DAB1: variants seen among roughly 807,000 people sequenced by gnomAD.
The protein encoded by DAB1 is DAB adaptor protein 1.
In DAB1, 15 loss-of-function variants were observed where a neutral mutation model predicts 64.6. The ratio of observed to expected loss-of-function variants is 0.23; its 90% CI spans 0.16 to 0.36. DAB1 has a LOEUF of 0.36. DAB1 is among the 10% of genes least tolerant of loss of function. DAB1 has a pLI of 1.00. For missense variants in DAB1, 596 were observed against 706.7 expected, an observed-to-expected ratio of 0.84 and a Z score of 1.78; for synonymous variants, 235 against 251.9, an observed-to-expected ratio of 0.93 and a Z score of 0.64.
intron 4 of DAB1, among the ~76,000 whole-genome samples, chr1:57,111,152 G>A (rs181219018): frequency 3.3e-5 from 5 of 152,024 alleles, no homozygotes; most frequent in East Asian, 3.9e-4. Flanking sequence ...CTTGGATGGC[G>A]GATATGGGAA....
intron 1 of DAB1, among the ~76,000 whole-genome samples, chr1:57,357,725 G>A (rs928919244): frequency 2.6e-5 from 4 of 151,826 alleles, no homozygotes; most frequent in African/African-American, 9.7e-5. Context: ...GGTGAAAGAG[G>A]AAGCAAACAC....
intron 5 of DAB1, among the ~76,000 whole-genome samples, chr1:58,078,551 T>C (rs1308435311): frequency 6.6e-6 from 1 of 152,144 alleles, no homozygotes; most frequent in East Asian, 1.9e-4. Context: ...GTTAGCTCCC[T>C]GCAGCCTCTG....
chr1:58,308,023 G>A (rs1026962683), intron 4 of DAB1, among the ~76,000 whole-genome samples: 1 of 152,158 alleles, frequency 6.6e-6, no homozygotes, highest in African/African-American at 2.4e-5. Context: ...CCCCCATGTA[G>A]AAGGAGAAAG....
At chr1:58,306,068 T>C (rs931624100) in intron 4 of DAB1, among the ~76,000 whole-genome samples, 1 of 151,608 alleles carries the variant, frequency 6.6e-6, no homozygotes, top group Non-Finnish European at 1.5e-5. Context: ...TGGTCAGGGT[T>C]CGCCTGTGTG....
intron 7 of DAB1, among the ~76,000 whole-genome samples, chr1:57,460,910 G>A (rs1412799629): frequency 1.3e-5 from 2 of 152,240 alleles, no homozygotes; most frequent in Admixed American, 1.3e-4. Flanking sequence ...TTAATTTTAA[G>A]TTCCGGGATA....
intron 5 of DAB1, among the ~76,000 whole-genome samples, chr1:58,036,618 AT>A (rs1266964969): frequency 2.0e-5 from 3 of 152,172 alleles, no homozygotes; most frequent in South Asian, 2.1e-4. Flanking sequence ...CCTTCTACTA[AT>A]TTTTTTTCGA....
chr1:57,105,532 G>A (rs890383041), intron 4 of DAB1, among the ~76,000 whole-genome samples: 3 of 152,120 alleles, frequency 2.0e-5, no homozygotes, highest in Non-Finnish European at 2.9e-5. Context: ...AAGCAATGTA[G>A]CCAATTTAAA....
intron 5 of DAB1, among the ~76,000 whole-genome samples, chr1:57,922,514 C>T (rs906419242): frequency 2.0e-5 from 3 of 152,088 alleles, no homozygotes; most frequent in Non-Finnish European, 2.9e-5. Context: ...TCTGGAGTAA[C>T]TTTGCCCTGA....
intron 5 of DAB1, among the ~76,000 whole-genome samples, chr1:58,122,935 G>A (rs1639734940): frequency 6.6e-6 from 1 of 152,114 alleles, no homozygotes; most frequent in Admixed American, 6.5e-5. Context: ...AGGAAGAGAA[G>A]GCAAGAGAAG....
chr1:58,373,518 C>T (rs61779009), intron 3 of DAB1, among the ~76,000 whole-genome samples: 13,477 of 150,458 alleles, frequency 0.09, 632 homozygotes, highest in Middle Eastern at 0.13. Context: ...TTTCTTACGG[C>T]TGCATAGTAT....
intron 2 of DAB1, among the ~76,000 whole-genome samples, chr1:57,157,702 C>T (rs1304788774): frequency 6.6e-6 from 1 of 152,174 alleles, no homozygotes; most frequent in Non-Finnish European, 1.5e-5. Flanking sequence ...AAAGACCCCA[C>T]CTGCAAATAT....
At chr1:58,354,588 C>A (rs1343456048) in intron 3 of DAB1, among the ~76,000 whole-genome samples, 2 of 152,092 alleles carry the variant, frequency 1.3e-5, no homozygotes, top group South Asian at 4.1e-4. Context: ...GTCTTTCGGC[C>A]TACTCACACG....
At chr1:57,735,853 G>A (rs1209200810) in intron 6 of DAB1, among the ~76,000 whole-genome samples, 1 of 151,936 alleles carries the variant, frequency 6.6e-6, no homozygotes, top group Non-Finnish European at 1.5e-5. Flanking sequence ...AGTAAATCCA[G>A]TCTACTTTAA....
At chr1:57,940,144 G>T (rs78234996) in intron 5 of DAB1, among the ~76,000 whole-genome samples, 2,309 of 152,270 alleles carry the variant, frequency 0.015, 59 homozygotes, top group African/African-American at 0.053. Flanking sequence ...AGGTTCCCTT[G>T]CATAAAGTTT....
chr1:58,535,328 C>T (rs765166603), intron 1 of DAB1, among the ~76,000 whole-genome samples: 8 of 152,112 alleles, frequency 5.3e-5, no homozygotes, highest in Non-Finnish European at 7.4e-5. Context: ...AGCGGCTGGG[C>T]ATGGTGGCTC....
intron 3 of DAB1, among the ~76,000 whole-genome samples, chr1:58,394,741 A>T (rs908978469): frequency 2.0e-5 from 3 of 152,212 alleles, no homozygotes; most frequent in African/African-American, 7.2e-5. Flanking sequence ...CGGGGCTGGC[A>T]ATGGTAGGAA....
intron 4 of DAB1, among the ~76,000 whole-genome samples, chr1:58,201,864 G>A (rs775367266): frequency 6.6e-6 from 1 of 152,056 alleles, no homozygotes; most frequent in Non-Finnish European, 1.5e-5. Flanking sequence ...CCCTGAAATG[G>A]GAGGAGTGAC....
At position 57,564,211 on chromosome 1, in the gene DAB1, C is replaced by T. The variant is rs149904467; in HGVS notation, n.625+85381G>A. 1.8e-3 allele frequency among the ~76,000 whole-genome samples: 268 copies of T among 152,306 alleles called. 2 individuals carry two copies. In the East Asian group the frequency reaches 0.018, roughly 10 times the overall value. On this transcript the variant is annotated intron_variant and non_coding_transcript_variant, in intron 7 of 20. Transcript: ENST00000485760. ...GAACCTCCAGCAAACTCCAACAGAC[C>T]TGCAGCTGAGGGTCCTGACTATTAG...
At position 58,173,628 on chromosome 1, in the gene DAB1, G is replaced by A. The variant is rs867715821; in HGVS notation, n.310-23040C>T. Among the ~76,000 whole-genome samples the A allele has an allele frequency of 2.5e-4, 38 of 152,206 alleles. No homozygotes were observed. In the Middle Eastern group the frequency reaches 0.014, roughly 54 times the overall value. ...CAAAACCCCTTTCCAGCCACACACC[G>A]GAGCTACCTTGGCAAGTACTCTAGG... is the stretch of plus-strand genomic sequence containing the variant. On this transcript the variant is annotated intron_variant and non_coding_transcript_variant, in intron 4 of 20. Coordinates refer to the DAB1 transcript ENST00000485760.
Sources: gnomAD v4.1 joint callset for allele counts (sites outside exome capture counted in the v4.1 genomes callset) on GRCh38, gnomAD v4.1.1 for gene constraint, MANE v1.5 for transcripts, NCBI Gene and HGNC (gene_info 2026-07-23, HGNC 2026-07-21) for gene names.